The following CFAP54 variants were observed in gnomAD, a reference collection of about 807,000 sequenced individuals.
CFAP54 encodes cilia and flagella associated protein 54.
A neutral mutation model predicts 370.4 loss-of-function variants in CFAP54; 290 were observed. The ratio of observed to expected loss-of-function variants is 0.78; its 90% CI spans 0.71 to 0.86. CFAP54 has a LOEUF of 0.86. Among genes scored for constraint, CFAP54 ranks in the 40% least tolerant of loss-of-function variants. CFAP54 has a pLI of 0.00. For synonymous variants in CFAP54, 1,206 were observed against 1,236.5 expected (o/e 0.98, Z 0.52); for missense variants, 3,399 against 3,528.7 (o/e 0.96, Z 0.93).
rs776616329 is a variant in CFAP54, at chr12:96,489,620, A to G, written c.11A>G (p.Gln4Arg). The change falls in exon 1 of 68, where the codon CAG becomes CGG. Residue 4 changes from glutamine to arginine, a missense_variant. Physicochemically the swap from Gln to Arg is conservative, Grantham distance 43. Transcript: ENST00000524981. MAA[Q>R]GSPSSSPSDD... ...CCGGGGCGCGTCAATATGGCGGCGC[A>G]GGGCTCCCCCTCGAGCTCTCCGTCA... 4.0e-6 allele frequency: 6 copies of G among 1,518,906 alleles called. No individual in the cohort carries two copies. Among genetic ancestry groups the G allele is most frequent in the South Asian group, 1.2e-5 (1 of 83,320 alleles). 94.1% of individuals were successfully genotyped at this position (1,518,906 alleles called of 1,614,324 possible).
At chr12:96,738,556 C>T (rs1324569881) in intron 50 of CFAP54, among the ~76,000 whole-genome samples, 1 of 151,424 alleles carries the variant, frequency 6.6e-6, no homozygotes, top group African/African-American at 2.4e-5. Flanking sequence ...CCCTCTTCTC[C>T]CTGTGTGTCC....
intron 14 of CFAP54, among the ~76,000 whole-genome samples, chr12:96,547,014 C>T (rs530018236): frequency 6.6e-6 from 1 of 152,116 alleles, no homozygotes; most frequent in African/African-American, 2.4e-5. Context: ...AATTTGAAAA[C>T]TTCTATATTT....
chr12:96,855,191 C>T (rs1363744117), intron 66 of CFAP54, among the ~76,000 whole-genome samples: 1 of 152,148 alleles, frequency 6.6e-6, no homozygotes, highest in African/African-American at 2.4e-5. Flanking sequence ...ATTAGATTAC[C>T]TCCCACCAGG....
chr12:96,715,130 T>G (rs1394539765), intron 48 of CFAP54, among the ~76,000 whole-genome samples: 1 of 152,018 alleles, frequency 6.6e-6, no homozygotes, highest in Non-Finnish European at 1.5e-5. Context: ...AGGGAGAAAG[T>G]GTTGGAGATT....
rs754197887 is a variant in CFAP54, at chr12:96,756,515, G to A, written c.7898G>A (p.Ser2633Asn). ...AAATCTCCAAGTTTTCAACTTGAGA[G>A]TTTATATGAAGCTATACAACTAAGC... ...EEKSPSFQLE[S>N]LYEAIQLSLK... Residue 2633 changes from serine to asparagine, a missense_variant, in exon 57 of 68, where the codon AGT (serine) becomes AAT (asparagine). Transcript: ENST00000524981. 1.2e-6 allele frequency: 2 copies of A among 1,605,906 alleles called. No homozygotes were observed. The highest frequency in any genetic ancestry group is 1.1e-5 in the South Asian group (1 of 89,800).
intron 55 of CFAP54, 63 bp downstream of exon 55, chr12:96,744,209 G>C: frequency 7.0e-7 from 1 of 1,426,726 alleles, no homozygotes; most frequent in East Asian, 2.3e-5. Flanking sequence ...GTTATTTTTA[G>C]GCAGGCTATC....
At chr12:96,609,085 G>T (rs1956329410) in intron 26 of CFAP54, among the ~76,000 whole-genome samples, 1 of 152,212 alleles carries the variant, frequency 6.6e-6, no homozygotes, top group South Asian at 2.1e-4. Context: ...CAGTGGTACT[G>T]GGAAAATGCA....
Position 96,521,410 on chromosome 12 carries a change from G to A in CFAP54, c.943-447G>A, listed in dbSNP as rs537892447. Among the ~76,000 whole-genome samples, 254 of 152,140 alleles carry A rather than the reference G, an allele frequency of 1.7e-3. 2 individuals carry two copies. The highest frequency in any genetic ancestry group is 5.8e-3 in the African/African-American group (239 of 41,488). ...ACAAAAATGAGTAAGATCCTTTCAG[G>A]AAGTCACAATTTGATGGTCAATGTG... is the stretch of plus-strand genomic sequence containing the variant. On this transcript the variant is annotated intron_variant, in intron 6 of 67. Coordinates refer to ENST00000524981, the MANE Select transcript of CFAP54 (RefSeq NM_001306084.2).
Position 96,599,685 on chromosome 12 carries a change from T to C in CFAP54, c.3639+918T>C, listed in dbSNP as rs1956219103. Among the ~76,000 whole-genome samples, 4 of 152,364 alleles carry C rather than the reference T, an allele frequency of 2.6e-5. No homozygotes were observed. In the South Asian group the frequency reaches 8.3e-4, roughly 32 times the overall value. On this transcript the variant is annotated intron_variant, in intron 26 of 67. Transcript: ENST00000524981. The stretch of plus-strand genomic sequence containing the variant: ...CCAGGATCTGCTGTTTCCTGACTTT[T>C]TAATGATCGCCATTCTAACTGGTGT...
At chr12:96,607,874 G>A (rs1243129342) in intron 26 of CFAP54, among the ~76,000 whole-genome samples, 2 of 151,794 alleles carry the variant, frequency 1.3e-5, no homozygotes, top group Non-Finnish European at 2.9e-5. Context: ...GAAAAAGACC[G>A]AGGTCCAAAA....
At chr12:96,590,438 A>G (rs1956113539) in intron 23 of CFAP54, among the ~76,000 whole-genome samples, 2 of 152,160 alleles carry the variant, frequency 1.3e-5, no homozygotes, top group African/African-American at 4.8e-5. Flanking sequence ...AGCAACAAGA[A>G]TCTCCCTCAC....
intron 39 of CFAP54, among the ~76,000 whole-genome samples, chr12:96,670,971 C>T (rs1318828054): frequency 6.6e-6 from 1 of 152,068 alleles, no homozygotes; most frequent in African/African-American, 2.4e-5. Context: ...CCTGAGCATT[C>T]AGTATTTATT....
intron 60 of CFAP54, among the ~76,000 whole-genome samples, chr12:96,777,775 C>G (rs1375330371): frequency 1.3e-5 from 2 of 152,174 alleles, no homozygotes; most frequent in Admixed American, 6.5e-5. Flanking sequence ...TACATTTCTG[C>G]TAAGGCACTG....
chr12:96,512,337 ATATAT>A (rs1955181207), intron 4 of CFAP54, among the ~76,000 whole-genome samples: 7 of 38,752 alleles, frequency 1.8e-4, no homozygotes, highest in African/African-American at 7.3e-4. Flanking sequence ...ATATATATAT[ATATAT>A]ATATATATGT....
intron 25 of CFAP54, among the ~76,000 whole-genome samples, chr12:96,594,893 G>T (rs548120828): frequency 6.6e-6 from 1 of 152,198 alleles, no homozygotes; most frequent in South Asian, 2.1e-4. Context: ...TGGCTGAAGG[G>T]ATTATATAGT....
chr12:96,604,951 G>A (rs936213373), intron 26 of CFAP54, among the ~76,000 whole-genome samples: 1 of 152,192 alleles, frequency 6.6e-6, no homozygotes, highest in Non-Finnish European at 1.5e-5. Context: ...GTGACGCCCT[G>A]CCCTGCTTTG....
At chr12:96,606,739 T>C (rs560063512) in intron 26 of CFAP54, among the ~76,000 whole-genome samples, 1 of 152,308 alleles carries the variant, frequency 6.6e-6, no homozygotes, top group East Asian at 1.9e-4. Flanking sequence ...AAAAGGCTTT[T>C]TATGGAACCT....
At chr12:96,737,673 A>G (rs1225382600) in intron 50 of CFAP54, among the ~76,000 whole-genome samples, 1 of 151,916 alleles carries the variant, frequency 6.6e-6, no homozygotes, top group Non-Finnish European at 1.5e-5. Flanking sequence ...TATTTTTAGT[A>G]GAGACGGGGT....
rs764137236 is a variant in CFAP54 at position 96,765,101 on chromosome 12, A to T, written c.8164A>T (p.Asn2722Tyr). 1 of 1,489,414 alleles carries T rather than the reference A, an allele frequency of 6.7e-7. No homozygotes were observed. Among genetic ancestry groups the T allele is most frequent in the East Asian group, 2.3e-5 (1 of 43,142 alleles). 92.3% of individuals were successfully genotyped at this position (1,489,414 alleles called of 1,614,324 possible). ...GGTCAGTGAAGCTGTGCTGGCAATT[A>T]ACTTACTTATTGGAAAGAAGAATAC... is the stretch of plus-strand genomic sequence containing the variant. ...AQVSEAVLAI[N>Y]LLIGKKNTRM... The change falls in exon 60 of 68, where the codon AAC becomes TAC. Residue 2722 changes from asparagine to tyrosine, a missense_variant. Around this residue, in one of 3 missense-constraint regions of CFAP54, gnomAD observed 2,796 missense variants for 2,869.7 expected, o/e 0.97. Transcript: ENST00000524981.
Sources: allele counts gnomAD v4.1 joint callset (sites outside exome capture counted in the v4.1 genomes callset), GRCh38; gene constraint gnomAD v4.1.1; regional missense constraint gnomAD v4.1.1; transcripts MANE v1.5; gene names NCBI Gene and HGNC (gene_info 2026-07-23, HGNC 2026-07-21).